The following NR5A1 variants were observed in gnomAD, a reference collection of about 807,000 sequenced individuals.
NR5A1 encodes the protein nuclear receptor subfamily 5 group A member 1, also known as steroidogenic factor 1.
A neutral mutation model predicts 42.7 loss-of-function variants in NR5A1; 6 were observed. That is an observed-to-expected ratio of 0.14 (90% confidence interval 0.08 to 0.28). The LOEUF is 0.28. Among genes scored for constraint, NR5A1 ranks in the 10% least tolerant of loss-of-function variants. NR5A1 has a pLI of 1.00. For missense variants in NR5A1, 442 were observed against 626.4 expected, an observed-to-expected ratio of 0.71 and a Z score of 3.14; for synonymous variants, 274 against 277.5, an observed-to-expected ratio of 0.99 and a Z score of 0.12.
rs1178368992 is a variant in NR5A1 at position 124,501,564 on chromosome 9, G to A, written c.245-849C>T. 6.6e-6 allele frequency among the ~76,000 whole-genome samples: 1 copy of A among 152,254 alleles called. No homozygotes were observed. Among genetic ancestry groups the A allele is most frequent in the East Asian group, 1.9e-4 (1 of 5,186 alleles). The stretch of plus-strand genomic sequence containing the variant: ...GGGAAAGAGCAGGAGAGAGGGGGTG[G>A]TGGTGCTCAGCAGGGATGATGGCTG... On this transcript the variant is annotated intron_variant, in intron 3 of 6. Transcript: ENST00000373588. This position sits in a 1 kb window ranked among gnomAD's most constrained non-coding sequence, Gnocchi z 4.1.
chr9:124,491,015 T>TCGGCCCC lies in NR5A1; in HGVS notation c.1138+65_1138+66insGGGGCCG. 6.5e-5 allele frequency: 41 copies of TCGGCCCC among 634,816 alleles called. 1 individual carries two copies. Among genetic ancestry groups the TCGGCCCC allele is most frequent in the Non-Finnish European group, 1.0e-4 (37 of 363,624 alleles). 39.3% of individuals were successfully genotyped at this position (634,816 alleles called of 1,614,324 possible). Reference sequence around the variant, plus strand: ...CCACAGCAGGGCTACCTCTCCAGCCTCACCCACCCTCCCACCCACCCGCCT... The same window carrying TCGGCCCC: ...CCACAGCAGGGCTACCTCTCCAGCCTCGGCCCCCACCCACCCTCCCACCCACCCGCCT... On this transcript the variant is annotated intron_variant, in intron 6 of 6. Transcript: ENST00000373588.
Position 124,485,249 on chromosome 9 carries a change from A to G in NR5A1, c.1139-2244T>C, listed in dbSNP as rs529103081. On this transcript the variant is annotated intron_variant, in intron 6 of 6. Transcript: ENST00000373588. Reference sequence around the variant, plus strand: ...AAATTCTAGCCTGGCCTTGCCTGGGATGGGGTGACCAGTGGCTCAGAAAAT... The same window carrying G: ...AAATTCTAGCCTGGCCTTGCCTGGGGTGGGGTGACCAGTGGCTCAGAAAAT... Among the ~76,000 whole-genome samples the G allele has an allele frequency of 2.6e-5, 4 of 152,220 alleles. No homozygotes were observed. The East Asian group carries it at 7.7e-4, about 29-fold the overall frequency.
intron 6 of NR5A1, among the ~76,000 whole-genome samples, chr9:124,484,903 C>T (rs1418976937): frequency 2.0e-5 from 3 of 152,156 alleles, no homozygotes; most frequent in Admixed American, 6.5e-5. Context: ...TCTGCGTGCA[C>T]CAATGATTGA....
chr9:124,484,783 A>C (rs187853143), intron 6 of NR5A1, among the ~76,000 whole-genome samples: 109 of 140,210 alleles, frequency 7.8e-4, no homozygotes, highest in Admixed American at 7.4e-3. Context: ...ATAAATAAAT[A>C]AAGCTTGTAC....
At chr9:124,491,770 C>T (rs1193972205) in intron 5 of NR5A1, among the ~76,000 whole-genome samples, 2 of 152,104 alleles carry the variant, frequency 1.3e-5, no homozygotes, top group African/African-American at 2.4e-5. Context: ...CGCCCTTGTA[C>T]GCTCACACTC....
intron 4 of NR5A1, among the ~76,000 whole-genome samples, chr9:124,493,949 C>T (rs1832352722): frequency 6.6e-6 from 1 of 152,332 alleles, no homozygotes; most frequent in Non-Finnish European, 1.5e-5. Flanking sequence ...GAATCCGCCA[C>T]CCGGAAAGGG....
At position 124,491,133 on chromosome 9, in the gene NR5A1, C is replaced by T; in HGVS notation, c.1086G>A (p.Gln362=). The T allele has an allele frequency of 6.2e-7, 1 of 1,608,874 alleles. No individual in the cohort carries two copies. Among genetic ancestry groups the T allele is most frequent in the Non-Finnish European group, 8.5e-7 (1 of 1,178,258 alleles). Residue 362 remains glutamine (Q), a synonymous_variant, in exon 6 of 7, where the codon CAG becomes CAA. Coordinates refer to ENST00000373588, the MANE Select transcript of NR5A1 (RefSeq NM_004959.5). ...GGCAGACAAACTCCTGCCGGTCCAG[C>T]TGCAGCGCAAGCAGCTGCAGCACCA... ...QELVLQLLAL[Q]LDRQEFVCLK...
intron 6 of NR5A1, 45 bp downstream of exon 6, chr9:124,491,011 AGCCTCACCCACCCTCCCACCCACCC>A: frequency 1.1e-6 from 1 of 932,878 alleles, no homozygotes; most frequent in Non-Finnish European, 1.7e-6. Flanking sequence ...CTACCTCTCC[AGCCTCACCCACCCTCCCACCCACCC>A]GCCTCTGGCT....
intron 6 of NR5A1, among the ~76,000 whole-genome samples, chr9:124,488,535 T>C (rs1246115799): frequency 6.6e-6 from 1 of 152,250 alleles, no homozygotes; most frequent in Non-Finnish European, 1.5e-5. Flanking sequence ...AGCTGCTTCA[T>C]TCATTCACTT....
At position 124,501,800 on chromosome 9, in the gene NR5A1, C is replaced by T. The variant is rs1832475978; in HGVS notation, c.245-1085G>A. Among the ~76,000 whole-genome samples, 1 of 152,224 alleles carries T rather than the reference C, an allele frequency of 6.6e-6. No homozygotes were observed. The highest frequency in any genetic ancestry group is 2.4e-5 in the African/African-American group (1 of 41,458). On this transcript the variant is annotated intron_variant, in intron 3 of 6. Transcript: ENST00000373588. This position sits in a 1 kb window ranked among gnomAD's most constrained non-coding sequence, Gnocchi z 4.1. The stretch of plus-strand genomic sequence containing the variant: ...GTGGCAGGGCATGTGGTCCACCACT[C>T]TCAGAGCCACCTGGGGCTTTCTACA...
At chr9:124,497,710 T>C (rs1009210046) in intron 4 of NR5A1, among the ~76,000 whole-genome samples, 1 of 152,148 alleles carries the variant, frequency 6.6e-6, no homozygotes, top group Non-Finnish European at 1.5e-5. Context: ...AAGGACCCAC[T>C]CCTGCTCCAG....
intron 6 of NR5A1, among the ~76,000 whole-genome samples, chr9:124,489,352 G>A (rs1417250218): frequency 2.6e-5 from 4 of 152,120 alleles, no homozygotes; most frequent in Non-Finnish European, 5.9e-5. Context: ...CCAATTCTAG[G>A]TGCCTCCAAG....
At position 124,500,077 on chromosome 9, in the gene NR5A1, A is replaced by G; in HGVS notation, c.870+13T>C. ...CATGATGCAGGGCCAGCCGGGCGGG[A>G]GGAGAGACTCACCTCCAGCTCCTTG... is the stretch of plus-strand genomic sequence containing the variant. On this transcript the variant is annotated intron_variant, in intron 4 of 6. Coordinates refer to ENST00000373588, the MANE Select transcript of NR5A1 (RefSeq NM_004959.5). This position sits in a 1 kb window ranked among gnomAD's most constrained non-coding sequence, Gnocchi z 6.9. 6.2e-7 allele frequency: 1 copy of G among 1,613,022 alleles called. No individual in the cohort carries two copies. The highest frequency in any genetic ancestry group is 8.5e-7 in the Non-Finnish European group (1 of 1,179,996).
intron 6 of NR5A1, 141 bp from the exon 7 acceptor site, chr9:124,483,146 A>G: frequency 3.2e-6 from 5 of 1,578,460 alleles, no homozygotes; most frequent in Non-Finnish European, 4.3e-6. Flanking sequence ...ACCATGCAAC[A>G]TGGTCTCCCC....
chr9:124,491,022 C>T, intron 6 of NR5A1, 59 bp downstream of exon 6: 3 of 552,558 alleles, frequency 5.4e-6, no homozygotes, highest in Non-Finnish European at 9.5e-6. Context: ...GCCTCACCCA[C>T]CCTCCCACCC....
Position 124,481,362 on chromosome 9 carries a change from G to GA in NR5A1, c.*1395dup, listed in dbSNP as rs1304874327. ...CACATGTTTCAGGGGGCGGGGAGGG[G>GA]AGGTACTGAGACAGGGTGGCGGGAG... On this transcript the variant is annotated 3_prime_UTR_variant, in exon 7 of 7. Transcript: ENST00000373588. 1 of 150,948 alleles carries GA rather than the reference G, an allele frequency of 6.6e-6. No homozygotes were observed. The highest frequency in any genetic ancestry group is 2.5e-5 in the African/African-American group (1 of 40,782). The allele number at this position is 150,948 out of a possible 1,614,324, so 9.4% of individuals were successfully genotyped here. A position where few individuals can be genotyped will look rare whatever the true frequency, so the allele number is the denominator to read the frequency against.
intron 6 of NR5A1, among the ~76,000 whole-genome samples, chr9:124,490,583 A>G (rs1314251699): frequency 1.3e-5 from 2 of 152,148 alleles, no homozygotes; most frequent in East Asian, 1.9e-4. Context: ...CCTACGTCTT[A>G]CTAATCATAT....
At chr9:124,491,457 G>A (rs970314052) in intron 5 of NR5A1, among the ~76,000 whole-genome samples, 5 of 152,144 alleles carry the variant, frequency 3.3e-5, no homozygotes, top group Non-Finnish European at 5.9e-5. Context: ...CGCCAAGCCC[G>A]GAGCTGAGGC....
chr9:124,503,333 G>C lies in NR5A1; in HGVS notation c.63C>G (p.Ser21=), dbSNP rs1268147427. 2.5e-6 allele frequency: 4 copies of C among 1,611,624 alleles called. No homozygotes were observed. The highest frequency in any genetic ancestry group is 1.1e-5 in the South Asian group (1 of 90,838). Reference sequence around the variant, plus strand: ...ACGTGAGCAGTCCGTAGTGGTAGCCGGACACCTTGTCCCCGCACACGGGGC... The same window carrying C: ...ACGTGAGCAGTCCGTAGTGGTAGCCCGACACCTTGTCCCCGCACACGGGGC... The part of the protein sequence containing the change: ...ELCPVCGDKV[S]GYHYGLLTCE... The change falls in exon 2 of 7, where the codon TCC becomes TCG. Residue 21 remains serine, a synonymous_variant. Coordinates refer to ENST00000373588, the MANE Select transcript of NR5A1 (RefSeq NM_004959.5). The surrounding 1 kb of genome is among the most constrained non-coding windows in gnomAD (Gnocchi z 9.6).
Sources: gnomAD v4.1 joint callset for allele counts (sites outside exome capture counted in the v4.1 genomes callset) on GRCh38, gnomAD v4.1.1 for gene constraint, Gnocchi (gnomAD v3.1) non-coding constraint, MANE v1.5 for transcripts, NCBI Gene and HGNC (gene_info 2026-07-23, HGNC 2026-07-21) for gene names.